Variants in PPP1R12A observed in about 807,000 individuals in gnomAD.
PPP1R12A encodes myosin binding subunit.
A neutral mutation model predicts 139.6 loss-of-function variants in PPP1R12A; 19 were observed. The observed-to-expected ratio is 0.14, with a 90% confidence interval of 0.09 to 0.20. PPP1R12A has a LOEUF of 0.20. PPP1R12A is among the 10% of genes least tolerant of loss of function. The pLI is 1.00. For missense variants in PPP1R12A, 925 were observed against 1,211.5 expected (o/e 0.76, Z 3.51); for synonymous variants, 427 against 420.6 (o/e 1.02, Z -0.19).
chr12:79,925,140 T>A (rs941217270), intron 1 of PPP1R12A, among the ~76,000 whole-genome samples: 1 of 152,192 alleles, frequency 6.6e-6, no homozygotes, highest in African/African-American at 2.4e-5. Context: ...TCTAGAAGTG[T>A]TCCATGCAAG....
At position 79,832,295 on chromosome 12, in the gene PPP1R12A, A is replaced by G. The variant is rs957848425; in HGVS notation, c.647+37T>C. 3.2e-6 allele frequency: 5 copies of G among 1,541,102 alleles called. No individual in the cohort carries two copies. In the African/African-American group the frequency reaches 7.0e-5, roughly 22 times the overall value. ...AAGGAACAATGAATAAAGAAGACAA[A>G]CTAAAATAGAAAAACTCTGTAAAAA... On this transcript the variant is annotated intron_variant, in intron 4 of 24. Coordinates refer to ENST00000450142, the MANE Select transcript of PPP1R12A (RefSeq NM_002480.3).
In PPP1R12A at chr12:79,909,537, C is replaced by T. The variant is rs1032483477; in HGVS notation, c.237+25158G>A. Among the ~76,000 whole-genome samples, 3 of 151,978 alleles carry T rather than the reference C, an allele frequency of 2.0e-5. No individual in the cohort carries two copies. The South Asian group carries it at 6.2e-4, about 32-fold the overall frequency. ...AGATCTCGAGGTCAAGAGATGGAGA[C>T]CATCCTCACCAACACAGTGAAACCC... On this transcript the variant is annotated intron_variant, in intron 1 of 24. Transcript: ENST00000450142.
chr12:79,859,551 C>T (rs1881084437), intron 2 of PPP1R12A, among the ~76,000 whole-genome samples: 1 of 151,916 alleles, frequency 6.6e-6, no homozygotes, highest in Non-Finnish European at 1.5e-5. Context: ...AAGTTATATC[C>T]TTAAATAGCT....
intron 3 of PPP1R12A, among the ~76,000 whole-genome samples, chr12:79,842,667 T>G (rs758920796): frequency 3.3e-4 from 50 of 151,642 alleles, no homozygotes; most frequent in Admixed American, 7.2e-4. Flanking sequence ...AAATTTTTAA[T>G]TGTAGTAAAA....
chr12:79,918,506 G>A (rs1887178012), intron 1 of PPP1R12A, among the ~76,000 whole-genome samples: 2 of 152,114 alleles, frequency 1.3e-5, no homozygotes, highest in Admixed American at 6.6e-5. Flanking sequence ...TGCATGCTGT[G>A]AAAAGCACCT....
chr12:79,915,077 T>C (rs1886887453), intron 1 of PPP1R12A, among the ~76,000 whole-genome samples: 1 of 152,110 alleles, frequency 6.6e-6, no homozygotes, highest in African/African-American at 2.4e-5. Context: ...ATTTTCCTAC[T>C]AGAGGTTGGT....
At chr12:79,903,924 T>G (rs1304233152) in intron 1 of PPP1R12A, among the ~76,000 whole-genome samples, 1 of 152,182 alleles carries the variant, frequency 6.6e-6, no homozygotes, top group Admixed American at 6.5e-5. Context: ...ATATCTTCCT[T>G]GAAAATCTGC....
At chr12:79,886,178 C>G (rs1010427566) in intron 1 of PPP1R12A, among the ~76,000 whole-genome samples, 9 of 152,174 alleles carry the variant, frequency 5.9e-5, no homozygotes, top group Middle Eastern at 3.4e-3. Context: ...TTAAAGAAAA[C>G]TGAAGTGGGA....
chr12:79,884,615 G>A (rs1883938151), intron 1 of PPP1R12A, among the ~76,000 whole-genome samples: 1 of 152,126 alleles, frequency 6.6e-6, no homozygotes, highest in African/African-American at 2.4e-5. Flanking sequence ...AAGACTTGCT[G>A]ACTTAAATTT....
At chr12:79,807,777 C>G (rs1248626485) in intron 11 of PPP1R12A, among the ~76,000 whole-genome samples, 1 of 152,036 alleles carries the variant, frequency 6.6e-6, no homozygotes, top group Non-Finnish European at 1.5e-5. Flanking sequence ...CAGTGGTTCA[C>G]ACCTGTAACC....
At position 79,784,289 on chromosome 12, in the gene PPP1R12A, A is replaced by G. The variant is rs114652228; in HGVS notation, c.2907+2085T>C. ...GAATTATACTTCTCATTATTAACTC[A>G]GCATACTGGATGCGATACTCAGAGT... On this transcript the variant is annotated intron_variant, in intron 22 of 24. Coordinates refer to ENST00000450142, the MANE Select transcript of PPP1R12A (RefSeq NM_002480.3). Among the ~76,000 whole-genome samples, 406 of 152,310 alleles carry G rather than the reference A, an allele frequency of 2.7e-3. 2 individuals are homozygous for G. The highest frequency in any genetic ancestry group is 9.4e-3 in the African/African-American group (392 of 41,556).
chr12:79,842,888 A>G (rs1878908337), intron 3 of PPP1R12A, among the ~76,000 whole-genome samples: 1 of 151,734 alleles, frequency 6.6e-6, no homozygotes, highest in South Asian at 2.1e-4. Context: ...TTGTTGTGTA[A>G]CATATCTACA....
chr12:79,896,476 G>A (rs1352444064), intron 1 of PPP1R12A, among the ~76,000 whole-genome samples: 2 of 151,960 alleles, frequency 1.3e-5, no homozygotes, highest in Non-Finnish European at 2.9e-5. Flanking sequence ...TGCGACCACA[G>A]ACGTGCCACC....
intron 1 of PPP1R12A, among the ~76,000 whole-genome samples, chr12:79,905,140 A>G (rs1169533422): frequency 1.3e-5 from 2 of 152,122 alleles, no homozygotes; most frequent in Non-Finnish European, 2.9e-5. Flanking sequence ...TTTCCTGCTT[A>G]GTATACCTAA....
intron 1 of PPP1R12A, among the ~76,000 whole-genome samples, chr12:79,888,276 A>C (rs780783909): frequency 5.9e-5 from 9 of 152,152 alleles, no homozygotes; most frequent in Non-Finnish European, 1.0e-4. Flanking sequence ...GAGAGGAGAA[A>C]TCAAAATCTC....
Position 79,934,950 on chromosome 12 carries a change from GTCT to G in PPP1R12A, c.-22_-20del, listed in dbSNP as rs914096310. The G allele has an allele frequency of 3.8e-6, 6 of 1,569,076 alleles. No individual in the cohort carries two copies. In the African/African-American group the frequency reaches 6.8e-5, roughly 18 times the overall value. On this transcript the variant is annotated 5_prime_UTR_variant, in exon 1 of 25. Coordinates refer to ENST00000450142, the MANE Select transcript of PPP1R12A (RefSeq NM_002480.3). ...TCTTCATCCCCTCTCCTGCCGCCGG[GTCT>G]TCTTATCGCGAGGGGGGGAAGGGGG...
intron 17 of PPP1R12A, among the ~76,000 whole-genome samples, chr12:79,796,065 C>CTT (rs1872475337): frequency 6.6e-6 from 1 of 152,022 alleles, no homozygotes; most frequent in African/African-American, 2.4e-5. Flanking sequence ...GTTTAAAGAA[C>CTT]TGAAACATCT....
At chr12:79,910,000 T>G (rs559702815) in intron 1 of PPP1R12A, among the ~76,000 whole-genome samples, 1 of 151,728 alleles carries the variant, frequency 6.6e-6, no homozygotes, top group South Asian at 2.1e-4. Context: ...CCGCCCAGCC[T>G]GTCATATTAT....
At chr12:79,863,950 G>A (rs1160033587) in intron 2 of PPP1R12A, among the ~76,000 whole-genome samples, 3 of 152,008 alleles carry the variant, frequency 2.0e-5, no homozygotes, top group Non-Finnish European at 1.5e-5. Context: ...AATTAACAAG[G>A]ATATCCAGGA....
Sources: allele counts gnomAD v4.1 joint callset (sites outside exome capture counted in the v4.1 genomes callset), GRCh38; gene constraint gnomAD v4.1.1; transcripts MANE v1.5; gene names NCBI Gene and HGNC (gene_info 2026-07-23, HGNC 2026-07-21).